Variants in MINDY4 observed in about 807,000 individuals in gnomAD.
MINDY4 encodes the protein probable ubiquitin carboxyl-terminal hydrolase MINDY-4.
In MINDY4, 68 loss-of-function variants were observed where a neutral mutation model predicts 87.0. The observed-to-expected ratio is 0.78, with a 90% CI of 0.64 to 0.96. The LOEUF (loss-of-function observed/expected upper bound fraction) is 0.96. Among genes scored for constraint, MINDY4 ranks in the 40% least tolerant of loss-of-function variants. The probability of loss-of-function intolerance (pLI) is 0.00; values close to 1 mark genes in which losing one functional copy is unlikely to be tolerated. For missense variants in MINDY4, 919 were observed against 928.2 expected, an observed-to-expected ratio of 0.99 and a Z score of 0.13; for synonymous variants, 379 against 363.2, an observed-to-expected ratio of 1.04 and a Z score of -0.50.
intron 9 of MINDY4, among the ~76,000 whole-genome samples, chr7:30,847,985 G>A (rs1486112496): frequency 6.6e-6 from 1 of 152,148 alleles, no homozygotes; most frequent in East Asian, 1.9e-4. Context: ...CTCCCACCTG[G>A]GGCTTCCCAA....
intron 6 of MINDY4, among the ~76,000 whole-genome samples, chr7:30,829,288 T>C (rs1366250321): frequency 6.9e-6 from 1 of 145,928 alleles, no homozygotes; most frequent in African/African-American, 2.6e-5. Flanking sequence ...AGCAAACTTT[T>C]TTTCTCTCTC....
chr7:30,788,740 G>T (rs1787231115), intron 4 of MINDY4, among the ~76,000 whole-genome samples: 1 of 152,144 alleles, frequency 6.6e-6, no homozygotes, highest in African/African-American at 2.4e-5. Flanking sequence ...GAAAAAACCA[G>T]CAAGTTCACT....
At chr7:30,784,326 G>A (rs1217228331) in intron 3 of MINDY4, among the ~76,000 whole-genome samples, 1 of 152,222 alleles carries the variant, frequency 6.6e-6, no homozygotes, top group African/African-American at 2.4e-5. Flanking sequence ...GCATCTGTGA[G>A]TCCTGTGAGC....
chr7:30,842,279 G>C (rs1199950155), intron 9 of MINDY4, among the ~76,000 whole-genome samples: 1 of 152,180 alleles, frequency 6.6e-6, no homozygotes, highest in Non-Finnish European at 1.5e-5. Flanking sequence ...CGTGGCTCTT[G>C]TCTGTACAGG....
intron 13 of MINDY4, among the ~76,000 whole-genome samples, chr7:30,871,469 A>G (rs1790104209): frequency 6.6e-6 from 1 of 152,114 alleles, no homozygotes; most frequent in Non-Finnish European, 1.5e-5. Context: ...GAGGATGGAG[A>G]CTTGGGAGGG....
chr7:30,882,209 T>TC lies in MINDY4; in HGVS notation c.2004dup (p.Ile669HisfsTer7), dbSNP rs1790485195. On this transcript the variant is annotated frameshift_variant, in exon 16 of 18. Coordinates refer to ENST00000265299, the MANE Select transcript of MINDY4 (RefSeq NM_032222.3). LOFTEE classifies it high-confidence loss of function. The stretch of plus-strand genomic sequence containing the variant: ...GGCTGCTTCCTGAAGACCCCGAGGT[T>TC]CCCCATCTGGGTGGTTTGCAGTGAG... 2.5e-6 allele frequency: 4 copies of TC among 1,611,382 alleles called. No homozygotes were observed. Among genetic ancestry groups the TC allele is most frequent in the Middle Eastern group, 1.6e-4 (1 of 6,076 alleles).
intron 13 of MINDY4, among the ~76,000 whole-genome samples, chr7:30,863,110 G>C (rs1287961421): frequency 2.0e-5 from 3 of 152,142 alleles, no homozygotes; most frequent in African/African-American, 7.2e-5. Context: ...CTCGGGACCA[G>C]ATGATCGCCG....
intron 4 of MINDY4, among the ~76,000 whole-genome samples, chr7:30,789,390 G>T (rs1787250461): frequency 6.6e-6 from 1 of 152,188 alleles, no homozygotes; most frequent in African/African-American, 2.4e-5. Context: ...ATAGAATTTC[G>T]CCAGATTCTC....
At chr7:30,826,140 T>A (rs1788493892) in intron 5 of MINDY4, among the ~76,000 whole-genome samples, 1 of 152,238 alleles carries the variant, frequency 6.6e-6, no homozygotes, top group Non-Finnish European at 1.5e-5. Context: ...TAATATAGGA[T>A]AATTTCCTTG....
intron 13 of MINDY4, among the ~76,000 whole-genome samples, chr7:30,859,560 C>T (rs1789687361): frequency 1.3e-5 from 2 of 152,222 alleles, no homozygotes; most frequent in African/African-American, 4.8e-5. Context: ...ACCTGAAAGA[C>T]ACGCCACCAG....
chr7:30,778,579 A>G (rs751922948), intron 2 of MINDY4, 28 bp downstream of exon 2: 2 of 1,613,764 alleles, frequency 1.2e-6, no homozygotes. Flanking sequence ...TGTGGTGTGG[A>G]GTCTTGGAAC....
At chr7:30,863,251 C>T (rs966865006) in intron 13 of MINDY4, among the ~76,000 whole-genome samples, 14 of 152,208 alleles carry the variant, frequency 9.2e-5, no homozygotes, top group African/African-American at 3.4e-4. Context: ...GCTGAGTCTC[C>T]AGGACCAACT....
intron 2 of MINDY4, chr7:30,780,061 A>G (rs201777506): frequency 2.6e-5 from 4 of 152,210 alleles, no homozygotes; most frequent in Non-Finnish European, 5.9e-5. Context: ...GAAGTAGGCA[A>G]TGGCAGCCCC....
At chr7:30,777,207 C>T (rs1254715432) in intron 1 of MINDY4, among the ~76,000 whole-genome samples, 2 of 152,032 alleles carry the variant, frequency 1.3e-5, no homozygotes, top group East Asian at 1.9e-4. Context: ...GTGTGCATCA[C>T]GCTCTAGAGC....
intron 13 of MINDY4, among the ~76,000 whole-genome samples, chr7:30,860,323 G>A (rs865909919): frequency 4.6e-5 from 7 of 152,264 alleles, no homozygotes; most frequent in Middle Eastern, 3.4e-3. Context: ...GACAGTGGGG[G>A]CTCTGTGGCC....
chr7:30,805,149 C>T (rs371003653), intron 5 of MINDY4, among the ~76,000 whole-genome samples: 2 of 152,184 alleles, frequency 1.3e-5, no homozygotes, highest in African/African-American at 4.8e-5. Flanking sequence ...TGACTGGCAG[C>T]AGGGCCCCTG....
chr7:30,800,176 C>A (rs909207172), intron 5 of MINDY4, among the ~76,000 whole-genome samples: 1 of 152,164 alleles, frequency 6.6e-6, no homozygotes, highest in Admixed American at 6.5e-5. Flanking sequence ...TGTCAGTTCT[C>A]ATGGCTCCTT....
chr7:30,850,857 C>T (rs1179058950), intron 10 of MINDY4, among the ~76,000 whole-genome samples: 1 of 152,192 alleles, frequency 6.6e-6, no homozygotes. Flanking sequence ...AAGCCTCTGA[C>T]CCCTGCAGCC....
chr7:30,856,944 C>T (rs1198758062), intron 12 of MINDY4, among the ~76,000 whole-genome samples: 1 of 152,126 alleles, frequency 6.6e-6, no homozygotes, highest in Non-Finnish European at 1.5e-5. Context: ...CACCATAAGC[C>T]AAGGAAATAG....
Sources: allele counts gnomAD v4.1 joint callset (sites outside exome capture counted in the v4.1 genomes callset), GRCh38; gene constraint gnomAD v4.1.1; transcripts MANE v1.5; gene names NCBI Gene and HGNC (gene_info 2026-07-23, HGNC 2026-07-21).